Variants in FRS2 observed in about 807,000 individuals in gnomAD.
FRS2 encodes the protein fibroblast growth factor receptor substrate 2.
In FRS2, 8 loss-of-function variants were observed where a neutral mutation model predicts 43.9. The observed-to-expected ratio is 0.18, with a 90% CI of 0.11 to 0.33. The LOEUF (loss-of-function observed/expected upper bound fraction) is 0.33. Ranked by LOEUF, FRS2 falls within the 10% of genes least tolerant of loss-of-function variation. FRS2 has a pLI of 1.00. For missense variants in FRS2, 534 were observed against 627.6 expected, an observed-to-expected ratio of 0.85 and a Z score of 1.59; for synonymous variants, 219 against 220.3, an observed-to-expected ratio of 0.99 and a Z score of 0.05.
At chr12:69,557,075 T>A (rs1879418928) in intron 3 of FRS2, among the ~76,000 whole-genome samples, 1 of 152,230 alleles carries the variant, frequency 6.6e-6, no homozygotes, top group South Asian at 2.1e-4. Context: ...TATTTTTTAG[T>A]AAATGGGTAT....
At chr12:69,507,753 G>C (rs776074915) in intron 1 of FRS2, among the ~76,000 whole-genome samples, 3 of 152,174 alleles carry the variant, frequency 2.0e-5, no homozygotes, top group Non-Finnish European at 4.4e-5. Flanking sequence ...AGCCGGGCCC[G>C]GTGGCTCACG....
intron 1 of FRS2, among the ~76,000 whole-genome samples, chr12:69,512,717 C>T (rs1313562054): frequency 6.6e-6 from 1 of 152,138 alleles, no homozygotes; most frequent in Non-Finnish European, 1.5e-5. Flanking sequence ...TATAACACAT[C>T]CCGGGCATTA....
rs765586300 is a variant in FRS2 at position 69,571,351 on chromosome 12, T to C, written c.329T>C (p.Ile110Thr). ...MLQEIMQNNS[I>T]NVVEEPVVER... is the part of the protein sequence containing the mutation. ...CAAGAGATTATGCAAAATAATAGTATAAATGTGGTGGAAGAGCCAGTTGTA... is the reference window on the plus strand; with the variant it reads ...CAAGAGATTATGCAAAATAATAGTACAAATGTGGTGGAAGAGCCAGTTGTA... Residue 110 changes from isoleucine (I) to threonine (T), a missense_variant, in exon 7 of 9, where the codon ATA (isoleucine) becomes ACA (threonine). Physicochemically the swap from Ile to Thr is moderately conservative, Grantham distance 89. Coordinates refer to ENST00000549921, the MANE Select transcript of FRS2 (RefSeq NM_001278356.2). 6 of 1,610,468 alleles carry C rather than the reference T, an allele frequency of 3.7e-6. No homozygotes were observed. The highest frequency in any genetic ancestry group is 5.1e-6 in the Non-Finnish European group (6 of 1,176,936).
At chr12:69,562,132 T>C (rs1262768040) in intron 3 of FRS2, 48 bp from the exon 4 acceptor site, 6 of 396,912 alleles carry the variant, frequency 1.5e-5, no homozygotes, top group African/African-American at 1.2e-4. Flanking sequence ...ATAAGGAATA[T>C]TATTCTTTAG....
intron 1 of FRS2, among the ~76,000 whole-genome samples, chr12:69,503,589 G>A (rs574869241): frequency 2.6e-5 from 4 of 152,222 alleles, no homozygotes; most frequent in Middle Eastern, 3.4e-3. Context: ...ACCCTCCTTT[G>A]TACATCTGTC....
chr12:69,561,761 A>G (rs909988614), intron 3 of FRS2, among the ~76,000 whole-genome samples: 4 of 152,172 alleles, frequency 2.6e-5, no homozygotes, highest in African/African-American at 9.7e-5. Flanking sequence ...AATTATGGTG[A>G]GTGAGGTTTA....
intron 1 of FRS2, among the ~76,000 whole-genome samples, chr12:69,519,337 C>T (rs1268137307): frequency 1.3e-5 from 2 of 152,192 alleles, no homozygotes; most frequent in Non-Finnish European, 2.9e-5. Context: ...ATCACAGACT[C>T]TGATGACGTT....
At chr12:69,515,305 A>G (rs1031023556) in intron 1 of FRS2, among the ~76,000 whole-genome samples, 5 of 152,228 alleles carry the variant, frequency 3.3e-5, no homozygotes, top group Non-Finnish European at 7.4e-5. Context: ...GTGTTTAGGT[A>G]GTTTAAGGAA....
At chr12:69,567,770 G>A (rs1880421864) in intron 4 of FRS2, among the ~76,000 whole-genome samples, 1 of 152,210 alleles carries the variant, frequency 6.6e-6, no homozygotes, top group African/African-American at 2.4e-5. Flanking sequence ...GGATGTGAGA[G>A]ACCAGGATGC....
intron 1 of FRS2, among the ~76,000 whole-genome samples, chr12:69,508,012 GA>G (rs1193979711): frequency 2.3e-5 from 2 of 88,194 alleles, no homozygotes; most frequent in Non-Finnish European, 3.9e-5. Context: ...CAACAAGAGC[GA>G]AACCCCGTCT....
intron 1 of FRS2, among the ~76,000 whole-genome samples, chr12:69,527,164 A>G (rs1592993114): frequency 6.6e-6 from 1 of 152,072 alleles, no homozygotes; most frequent in African/African-American, 2.4e-5. Context: ...TGCTCTGGCC[A>G]GCTTATTTTT....
intron 3 of FRS2, among the ~76,000 whole-genome samples, chr12:69,551,198 A>G (rs1878840496): frequency 6.6e-6 from 1 of 152,128 alleles, no homozygotes; most frequent in African/African-American, 2.4e-5. Flanking sequence ...AAAACATTTA[A>G]AAAATTAGCT....
intron 1 of FRS2, among the ~76,000 whole-genome samples, chr12:69,505,747 A>G (rs1296822337): frequency 2.0e-5 from 3 of 152,202 alleles, no homozygotes; most frequent in Non-Finnish European, 4.4e-5. Flanking sequence ...GTAGTGGAGG[A>G]AAAGTCTACA....
intron 1 of FRS2, among the ~76,000 whole-genome samples, chr12:69,475,402 T>C (rs577139208): frequency 1.6e-4 from 24 of 152,298 alleles, no homozygotes; most frequent in African/African-American, 5.3e-4. Flanking sequence ...TTTGGCTTAG[T>C]TTCAGTAAGC....
chr12:69,476,432 ATAACTCGCCTT>A (rs770209095), intron 1 of FRS2, among the ~76,000 whole-genome samples: 6 of 152,184 alleles, frequency 3.9e-5, no homozygotes, highest in Admixed American at 3.3e-4. Flanking sequence ...AACAAGATAA[ATAACTCGCCTT>A]TGACATAGTG....
At chr12:69,540,427 T>C (rs1565759208) in intron 3 of FRS2, among the ~76,000 whole-genome samples, 1 of 151,050 alleles carries the variant, frequency 6.6e-6, no homozygotes, top group South Asian at 2.1e-4. Flanking sequence ...GAGCTAACAG[T>C]GATCAAAGTT....
chr12:69,558,106 G>C (rs868832269), intron 3 of FRS2, among the ~76,000 whole-genome samples: 12 of 152,236 alleles, frequency 7.9e-5, no homozygotes, highest in African/African-American at 2.4e-4. Flanking sequence ...TTCACTGTGA[G>C]ATATGGGGTT....
intron 3 of FRS2, among the ~76,000 whole-genome samples, chr12:69,538,774 G>A (rs947531174): frequency 6.6e-6 from 1 of 151,990 alleles, no homozygotes; most frequent in Non-Finnish European, 1.5e-5. Context: ...ATATTATTCA[G>A]ATGCATTATT....
chr12:69,526,082 C>T (rs1361032087), intron 1 of FRS2, among the ~76,000 whole-genome samples: 1 of 152,100 alleles, frequency 6.6e-6, no homozygotes, highest in Non-Finnish European at 1.5e-5. Flanking sequence ...GTCTTCAACT[C>T]CTGACCTCAG....
Sources: gnomAD v4.1 joint callset for allele counts (sites outside exome capture counted in the v4.1 genomes callset) on GRCh38, gnomAD v4.1.1 for gene constraint, MANE v1.5 for transcripts, NCBI Gene and HGNC (gene_info 2026-07-23, HGNC 2026-07-21) for gene names.